Variants in PRKCH observed in about 807,000 individuals in gnomAD.
PRKCH encodes the protein protein kinase C eta.
A neutral mutation model predicts 82.5 loss-of-function variants in PRKCH; 28 were observed. The observed-to-expected ratio is 0.34, with a 90% CI of 0.25 to 0.47. PRKCH has a LOEUF of 0.47. Ranked by LOEUF, PRKCH falls within the 20% of genes least tolerant of loss-of-function variation. PRKCH has a pLI of 1.00. For synonymous variants in PRKCH, 322 were observed against 327.4 expected, an observed-to-expected ratio of 0.98 and a Z score of 0.18; for missense variants, 705 against 881.8, an observed-to-expected ratio of 0.80 and a Z score of 2.54.
chr14:61,197,158 C>T (rs1249623685), intron 1 of PRKCH, among the ~76,000 whole-genome samples: 1 of 152,240 alleles, frequency 6.6e-6, no homozygotes, highest in Non-Finnish European at 1.5e-5. Context: ...CAAAGGCTTC[C>T]TCTGCCTCAT....
At chr14:61,333,637 A>T (rs1249121178) in intron 1 of PRKCH, among the ~76,000 whole-genome samples, 3 of 151,634 alleles carry the variant, frequency 2.0e-5, no homozygotes, top group Non-Finnish European at 2.9e-5. Flanking sequence ...TGGTTGTGTT[A>T]TTTAGGTGTT....
rs117276943 is a variant in PRKCH at position 61,297,687 on chromosome 14, A to G, written c.-19+110019A>G. Among the ~76,000 whole-genome samples, 1,054 of 152,288 alleles carry G rather than the reference A, an allele frequency of 6.9e-3. 39 individuals are homozygous for G. In the East Asian group the frequency reaches 0.095, roughly 14 times the overall value. On this transcript the variant is annotated intron_variant, in intron 1 of 3. Coordinates refer to the PRKCH transcript ENST00000555185. ...AGGGTTTGTGCTCCTGTGAGAATGT[A>G]GTGCTGCCACTGATCTGACGGGAAG...
intron 1 of PRKCH, among the ~76,000 whole-genome samples, chr14:61,287,175 A>G (rs969818760): frequency 8.7e-5 from 12 of 137,408 alleles, no homozygotes; most frequent in Non-Finnish European, 1.8e-4. Context: ...ACTGCACTTC[A>G]GCCTGAGCAA....
chr14:61,192,606 A>G (rs1489805854), intron 1 of PRKCH, among the ~76,000 whole-genome samples: 1 of 152,234 alleles, frequency 6.6e-6, no homozygotes, highest in Non-Finnish European at 1.5e-5. Context: ...CCAGGTGGTC[A>G]GGGTAGTGCC....
At chr14:61,272,910 C>T (rs1050186178) in intron 1 of PRKCH, among the ~76,000 whole-genome samples, 2 of 152,164 alleles carry the variant, frequency 1.3e-5, no homozygotes, top group Non-Finnish European at 2.9e-5. Context: ...GGTTCCACAG[C>T]CTGCTTTACT....
chr14:61,293,835 C>A (rs1338947097), intron 1 of PRKCH, among the ~76,000 whole-genome samples: 1 of 152,128 alleles, frequency 6.6e-6, no homozygotes, highest in African/African-American at 2.4e-5. Context: ...GAAAATCTTA[C>A]CAGGAAAACT....
intron 10 of PRKCH, 141 bp downstream of exon 10, chr14:61,485,797 T>A: frequency 8.2e-7 from 1 of 1,213,490 alleles, no homozygotes; most frequent in Non-Finnish European, 1.1e-6. Context: ...GGTTTTTGTT[T>A]TTGAGACAGG....
intron 1 of PRKCH, among the ~76,000 whole-genome samples, chr14:61,187,994 TGA>T (rs1433156064): frequency 6.6e-6 from 1 of 152,186 alleles, no homozygotes; most frequent in African/African-American, 2.4e-5. Context: ...AGTCAAGATC[TGA>T]GTCTGACTCT....
chr14:61,390,977 CA>C (rs1203237586), intron 1 of PRKCH: 1 of 379,184 alleles, frequency 2.6e-6, no homozygotes, highest in African/African-American at 2.2e-5. Context: ...TATATTATGA[CA>C]AGCCAAAAAT....
At chr14:61,366,028 A>G (rs1253408641) in intron 1 of PRKCH, among the ~76,000 whole-genome samples, 2 of 152,062 alleles carry the variant, frequency 1.3e-5, no homozygotes, top group Non-Finnish European at 2.9e-5. Flanking sequence ...TCTACCACTT[A>G]TGCCTTACCT....
At chr14:61,342,821 C>G (rs537748910) in intron 1 of PRKCH, among the ~76,000 whole-genome samples, 23 of 152,220 alleles carry the variant, frequency 1.5e-4, no homozygotes, top group Non-Finnish European at 3.2e-4. Context: ...AGTGGGGTGT[C>G]TTAAATGATC....
At position 61,230,293 on chromosome 14, in the gene PRKCH, T is replaced by C. The variant is rs1047200078; in HGVS notation, c.-19+42625T>C. 3.3e-5 allele frequency among the ~76,000 whole-genome samples: 5 copies of C among 152,194 alleles called. No homozygotes were observed. In the South Asian group the frequency reaches 6.2e-4, roughly 19 times the overall value. ...AGATTCAGTTCTCATCTTTAGACTC[T>C]GTTATTTCAGTTTTTGGTCTCGATG... is the stretch of plus-strand genomic sequence containing the variant. On this transcript the variant is annotated intron_variant, in intron 1 of 3. Transcript: ENST00000555185.
intron 1 of PRKCH, among the ~76,000 whole-genome samples, chr14:61,344,634 G>A (rs749095543): frequency 1.3e-5 from 2 of 152,058 alleles, no homozygotes; most frequent in African/African-American, 2.4e-5. Flanking sequence ...CTGCAGGTAC[G>A]CCTCGGGTGA....
chr14:61,466,121 G>A (rs1414456657), intron 9 of PRKCH, among the ~76,000 whole-genome samples: 1 of 152,160 alleles, frequency 6.6e-6, no homozygotes, highest in Non-Finnish European at 1.5e-5. Context: ...CCTCAAAAAA[G>A]ACTGCCAGGA....
chr14:61,372,858 T>C (rs1312856825), intron 1 of PRKCH, among the ~76,000 whole-genome samples: 1 of 152,092 alleles, frequency 6.6e-6, no homozygotes. Flanking sequence ...ATGCTTAGTG[T>C]TCTCTGTCTA....
At chr14:61,205,483 G>C (rs1321271619) in intron 1 of PRKCH, among the ~76,000 whole-genome samples, 2 of 152,228 alleles carry the variant, frequency 1.3e-5, no homozygotes, top group East Asian at 1.9e-4. Context: ...TGGGCTTCCA[G>C]GGGAGAGGCA....
intron 10 of PRKCH, among the ~76,000 whole-genome samples, chr14:61,497,621 G>A (rs1424586175): frequency 6.6e-6 from 1 of 152,110 alleles, no homozygotes; most frequent in Admixed American, 6.5e-5. Context: ...AGTTTTTAGT[G>A]CCCCTTTCAG....
At chr14:61,373,508 G>A (rs2046390117) in intron 1 of PRKCH, among the ~76,000 whole-genome samples, 2 of 151,942 alleles carry the variant, frequency 1.3e-5, no homozygotes, top group Admixed American at 6.5e-5. Context: ...TGGGGACACA[G>A]AGCCAGACCA....
intron 9 of PRKCH, among the ~76,000 whole-genome samples, chr14:61,464,057 T>C (rs938752081): frequency 6.6e-6 from 1 of 152,374 alleles, no homozygotes; most frequent in African/African-American, 2.4e-5. Flanking sequence ...TTCGACATGC[T>C]GATTTCATTT....
Sources: allele counts gnomAD v4.1 joint callset (sites outside exome capture counted in the v4.1 genomes callset), GRCh38; gene constraint gnomAD v4.1.1; transcripts MANE v1.5; gene names NCBI Gene and HGNC (gene_info 2026-07-23, HGNC 2026-07-21).